Variants in NCOA2 observed in about 807,000 individuals in gnomAD.
NCOA2 encodes class E basic helix-loop-helix protein 75.
NCOA2 carries 21 observed loss-of-function variants against 145.1 expected under a neutral mutation model. That is an observed-to-expected ratio of 0.14 (90% CI 0.10 to 0.21). The LOEUF is 0.21. Ranked by LOEUF, NCOA2 falls within the 10% of genes least tolerant of loss-of-function variation. The probability of loss-of-function intolerance (pLI) is 1.00; values close to 1 mark genes in which losing one functional copy is unlikely to be tolerated. For synonymous variants in NCOA2, 619 were observed against 637.5 expected (o/e 0.97, Z 0.44); for missense variants, 1,472 against 1,837.6 (o/e 0.80, Z 3.64).
chr8:70,337,737 A>G (rs1807741168), intron 1 of NCOA2, among the ~76,000 whole-genome samples: 1 of 152,190 alleles, frequency 6.6e-6, no homozygotes, highest in Non-Finnish European at 1.5e-5. Flanking sequence ...AGAACTGGTC[A>G]TAACAGTCTC....
At chr8:70,168,538 C>G (rs568085876) in intron 6 of NCOA2, among the ~76,000 whole-genome samples, 1 of 152,258 alleles carries the variant, frequency 6.6e-6, no homozygotes, top group South Asian at 2.1e-4. Flanking sequence ...CCAGGCTGGT[C>G]TTGAACTCCT....
chr8:70,423,337 C>T, the NCOA2 span, among the ~76,000 whole-genome samples: 3 of 152,152 alleles, frequency 2.0e-5, no homozygotes, highest in Non-Finnish European at 4.4e-5. Context: ...GCATGTACCA[C>T]CATGCCTGGC....
intron 12 of NCOA2, among the ~76,000 whole-genome samples, chr8:70,147,124 G>A (rs920421659): frequency 2.0e-5 from 3 of 150,124 alleles, no homozygotes; most frequent in South Asian, 2.1e-4. Context: ...GCGCGCGCGC[G>A]CGCGTGTGTG....
At chr8:70,426,778 C>T in the NCOA2 span, among the ~76,000 whole-genome samples, 1 of 152,128 alleles carries the variant, frequency 6.6e-6, no homozygotes, top group Non-Finnish European at 1.5e-5. Flanking sequence ...GAGGATGAGA[C>T]ACTACAAAAC....
upstream of NCOA2, among the ~76,000 whole-genome samples, chr8:70,405,022 G>A (rs947854718): frequency 6.6e-6 from 1 of 152,188 alleles, no homozygotes; most frequent in African/African-American, 2.4e-5. Flanking sequence ...ACTGTGCTAG[G>A]TGATGTATAT....
chr8:70,200,042 A>G (rs1817721019), intron 4 of NCOA2, among the ~76,000 whole-genome samples: 1 of 152,222 alleles, frequency 6.6e-6, no homozygotes, highest in Admixed American at 6.5e-5. Context: ...ACAATACACT[A>G]TAACAACTAT....
At chr8:70,321,792 C>CTTTTTTTTT (rs1563762022) in intron 1 of NCOA2, among the ~76,000 whole-genome samples, 1 of 97,528 alleles carries the variant, frequency 1.0e-5, no homozygotes, top group African/African-American at 4.3e-5. Flanking sequence ...TCAGAATATA[C>CTTTTTTTTT]CTTTTTTTTT....
At chr8:70,200,470 C>A (rs1398144336) in intron 4 of NCOA2, among the ~76,000 whole-genome samples, 3 of 152,170 alleles carry the variant, frequency 2.0e-5, no homozygotes, top group Admixed American at 6.5e-5. Context: ...ATTTACTGAT[C>A]TGTGGCCTGT....
chr8:70,187,354 T>G (rs1280454093), intron 4 of NCOA2, among the ~76,000 whole-genome samples: 1 of 152,252 alleles, frequency 6.6e-6, no homozygotes, highest in African/African-American at 2.4e-5. Context: ...CAGCAAATTT[T>G]GTAACCTGAG....
At chr8:70,277,489 T>A (rs557905437) in intron 2 of NCOA2, among the ~76,000 whole-genome samples, 137 of 152,308 alleles carry the variant, frequency 9.0e-4, no homozygotes, top group African/African-American at 3.1e-3. Flanking sequence ...GAAACTTTTT[T>A]AAAAATAAAA....
intron 13 of NCOA2, among the ~76,000 whole-genome samples, chr8:70,143,438 T>C (rs922430024): frequency 3.3e-5 from 5 of 152,170 alleles, no homozygotes; most frequent in African/African-American, 1.2e-4. Context: ...TTTTCTCTTA[T>C]AGAACTTTAT....
At chr8:70,262,954 T>C (rs1386216772) in intron 2 of NCOA2, among the ~76,000 whole-genome samples, 2 of 151,898 alleles carry the variant, frequency 1.3e-5, no homozygotes, top group Non-Finnish European at 2.9e-5. Context: ...TATAACAATA[T>C]ACTGTTTACA....
intron 2 of NCOA2, among the ~76,000 whole-genome samples, chr8:70,252,912 T>C (rs927478109): frequency 1.3e-5 from 2 of 152,240 alleles, no homozygotes; most frequent in African/African-American, 4.8e-5. Context: ...AGGGAACATG[T>C]GTTTTAAGTT....
At chr8:70,255,548 T>C (rs1823568067) in intron 2 of NCOA2, among the ~76,000 whole-genome samples, 1 of 152,124 alleles carries the variant, frequency 6.6e-6, no homozygotes, top group African/African-American at 2.4e-5. Context: ...AAGACAAAAA[T>C]ACACAGACAC....
At chr8:70,419,148 C>A in the NCOA2 span, among the ~76,000 whole-genome samples, 1 of 150,864 alleles carries the variant, frequency 6.6e-6, no homozygotes, top group Non-Finnish European at 1.5e-5. Context: ...TTGAACAAAC[C>A]CTCCCAGTGT....
chr8:70,441,805 AAAG>A, the NCOA2 span, among the ~76,000 whole-genome samples: 8 of 55,268 alleles, frequency 1.4e-4, no homozygotes, highest in Non-Finnish European at 2.2e-4. Context: ...AGAAAGAAAG[AAAG>A]AAAGAAAGAA....
chr8:70,394,891 A>G (rs140616628), intron 1 of NCOA2, among the ~76,000 whole-genome samples: 2 of 152,350 alleles, frequency 1.3e-5, no homozygotes, highest in East Asian at 3.9e-4. Flanking sequence ...TCCAACAACA[A>G]ATCAGCCAAT....
rs1339132105 is a variant in NCOA2, at chr8:70,156,977, T to C, written c.1388A>G (p.Tyr463Cys). The change falls in exon 11 of 23, where the codon TAT (tyrosine) becomes TGT (cysteine). Residue 463 changes from tyrosine to cysteine, a missense_variant. This residue lies in a region of NCOA2 where 953 missense variants were observed against 1,062.1 expected (regional missense o/e 0.90). Coordinates refer to ENST00000452400, the MANE Select transcript of NCOA2 (RefSeq NM_006540.4). ...MQATTPQGSNYALKMNSPSQS... is the reference protein window; with the variant it reads ...MQATTPQGSNCALKMNSPSQS... ...TGAGGGGCTGTTCATTTTGAGTGCA[T>C]AGTTACTACCCTGAGGAGTGGTTGC... 5 of 1,613,898 alleles carry C rather than the reference T, an allele frequency of 3.1e-6. No individual in the cohort carries two copies. Among genetic ancestry groups the C allele is most frequent in the Non-Finnish European group, 2.5e-6 (3 of 1,179,890 alleles).
At chr8:70,319,282 C>T (rs1805858036) in intron 1 of NCOA2, among the ~76,000 whole-genome samples, 1 of 152,098 alleles carries the variant, frequency 6.6e-6, no homozygotes. Context: ...TGGCTAACAC[C>T]TGTAATCCCA....
Sources: gnomAD v4.1 joint callset for allele counts (sites outside exome capture counted in the v4.1 genomes callset) on GRCh38, gnomAD v4.1.1 for gene constraint, gnomAD v4.1.1 regional missense constraint, MANE v1.5 for transcripts, NCBI Gene and HGNC (gene_info 2026-07-23, HGNC 2026-07-21) for gene names.